The following PIAS1 variants were observed in gnomAD, a reference collection of about 807,000 sequenced individuals.
The protein encoded by PIAS1 is E3 SUMO-protein ligase PIAS1.
PIAS1 carries 6 observed loss-of-function variants against 71.3 expected under a neutral mutation model. The observed-to-expected ratio is 0.08, with a 90% CI of 0.05 to 0.17. The LOEUF (loss-of-function observed/expected upper bound fraction) is 0.17, where lower values mean the gene tolerates loss of function less well. PIAS1 is among the 10% of genes least tolerant of loss of function. PIAS1 has a pLI of 1.00. For missense variants in PIAS1, 555 were observed against 793.6 expected, an observed-to-expected ratio of 0.70 and a Z score of 3.61; for synonymous variants, 303 against 292.9, an observed-to-expected ratio of 1.03 and a Z score of -0.35.
chr15:68,086,746 T>C lies in PIAS1; in HGVS notation c.465T>C (p.Ser155=), dbSNP rs907635490. Reference sequence around the variant, plus strand: ...TGGATGAACTGATAAAACCCACCAGTCTAGGTAAGATTATTGTATGATAGT... The same window carrying C: ...TGGATGAACTGATAAAACCCACCAGCCTAGGTAAGATTATTGTATGATAGT... The part of the protein sequence containing the change: ...DLLDELIKPT[S]LASDNSQRFR... Residue 155 remains serine (S), a synonymous_variant, in exon 2 of 14, where the codon AGT becomes AGC. Transcript: ENST00000249636. This position sits in a 1 kb window ranked among gnomAD's most constrained non-coding sequence, Gnocchi z 7.2. 3.1e-6 allele frequency: 5 copies of C among 1,596,870 alleles called. No homozygotes were observed. The African/African-American group carries it at 6.7e-5, about 21-fold the overall frequency.
chr15:68,120,411 C>T (rs1456500948), intron 2 of PIAS1, among the ~76,000 whole-genome samples: 1 of 151,934 alleles, frequency 6.6e-6, no homozygotes, highest in African/African-American at 2.4e-5. Flanking sequence ...CCTCTTTCCC[C>T]TTTTTCATAT....
chr15:68,102,456 G>A (rs1425771389), intron 2 of PIAS1, among the ~76,000 whole-genome samples: 1 of 152,094 alleles, frequency 6.6e-6, no homozygotes, highest in African/African-American at 2.4e-5. Context: ...ACAAATTTTA[G>A]AATTATCTTC....
chr15:68,086,469 G>A lies in PIAS1; in HGVS notation c.188G>A (p.Arg63Gln), dbSNP rs779395221. ...ATGAAAATTAAGGAACTCTATAGGC[G>A]GCGGTTCCCACAGAAAATCATGACG... ...VQMKIKELYR[R>Q]RFPQKIMTPA... The change falls in exon 2 of 14, where the codon CGG becomes CAG. Residue 63 changes from arginine (R) to glutamine (Q), a missense_variant. Physicochemically the swap from Arg to Gln is conservative, Grantham distance 43 (BLOSUM62 1). Coordinates refer to ENST00000249636, the MANE Select transcript of PIAS1 (RefSeq NM_016166.3). The surrounding 1 kb of genome is among the most constrained non-coding windows in gnomAD (Gnocchi z 7.2). 1.1e-5 allele frequency: 18 copies of A among 1,613,874 alleles called. No individual in the cohort carries two copies. Among genetic ancestry groups the A allele is most frequent in the South Asian group, 6.6e-5 (6 of 91,074 alleles).
chr15:68,152,749 C>T (rs977841435), intron 6 of PIAS1, among the ~76,000 whole-genome samples: 2 of 152,102 alleles, frequency 1.3e-5, no homozygotes, highest in African/African-American at 4.8e-5. Context: ...CCTCTTGATC[C>T]CAGCACCAAA....
At chr15:68,065,489 G>A (rs2092007910) in intron 1 of PIAS1, among the ~76,000 whole-genome samples, 1 of 151,526 alleles carries the variant, frequency 6.6e-6, no homozygotes, top group African/African-American at 2.4e-5. Flanking sequence ...TGCTTGGGAG[G>A]CTGAAGTGGT....
chr15:68,168,099 C>T (rs532806693), intron 8 of PIAS1, among the ~76,000 whole-genome samples: 1 of 152,018 alleles, frequency 6.6e-6, no homozygotes, highest in Non-Finnish European at 1.5e-5. Context: ...ACCTCCACTT[C>T]CTGGGTTCAA....
chr15:68,121,027 C>A (rs1013115683), intron 2 of PIAS1, among the ~76,000 whole-genome samples: 1 of 152,094 alleles, frequency 6.6e-6, no homozygotes, highest in African/African-American at 2.4e-5. Flanking sequence ...ATAAACAATT[C>A]TTTATATTTA....
rs2899734 is a variant in PIAS1, at chr15:68,130,444, T to A, written c.470-11502T>A. 4.8e-3 allele frequency among the ~76,000 whole-genome samples: 734 copies of A among 152,078 alleles called. 6 individuals are homozygous for A. The highest frequency in any genetic ancestry group is 0.016 in the African/African-American group (677 of 41,550). ...TTCCAAATGTTTTTTTCTACATGTA[T>A]ATGCAGTGAAAATAATGTATAAAAT... On this transcript the variant is annotated intron_variant, in intron 2 of 13. Coordinates refer to ENST00000249636, the MANE Select transcript of PIAS1 (RefSeq NM_016166.3).
intron 6 of PIAS1, 21 bp downstream of exon 6, chr15:68,146,721 A>G (rs775687017): frequency 1.9e-6 from 3 of 1,595,478 alleles, no homozygotes; most frequent in Non-Finnish European, 2.6e-6. Flanking sequence ...TTTTGTTTCT[A>G]CCAGATTTTT....
At chr15:68,102,509 A>T (rs1343258576) in intron 2 of PIAS1, among the ~76,000 whole-genome samples, 2 of 152,238 alleles carry the variant, frequency 1.3e-5, no homozygotes, top group Non-Finnish European at 2.9e-5. Flanking sequence ...TAGGAATTGC[A>T]TTAAACCTGC....
chr15:68,100,769 A>G (rs1391270955), intron 2 of PIAS1, among the ~76,000 whole-genome samples: 2 of 152,168 alleles, frequency 1.3e-5, no homozygotes, highest in African/African-American at 4.8e-5. Context: ...TTACATTCCT[A>G]GCAGCCATGA....
At chr15:68,067,432 TA>T (rs1275239397) in intron 1 of PIAS1, among the ~76,000 whole-genome samples, 3 of 3,248 alleles carry the variant, frequency 9.2e-4, no homozygotes, top group Admixed American at 7.9e-3. Context: ...TCTAGTTGGT[TA>T]TTTTTTTTTC....
At chr15:68,157,264 A>G (rs557256948) in intron 7 of PIAS1, among the ~76,000 whole-genome samples, 16 of 152,258 alleles carry the variant, frequency 1.1e-4, no homozygotes, top group African/African-American at 2.9e-4. Context: ...TCCCTCATAT[A>G]TCTGCTCTTT....
At position 68,191,602 on chromosome 15, in the gene PIAS1, A is replaced by G. The variant is rs2093120570; in HGVS notation, c.*3767A>G. ...ACAAGTAACTAACTAATTTTCTTGCAGCATGCTTTGAGGTAAGTAATGAAT... is the reference window on the plus strand; with the variant it reads ...ACAAGTAACTAACTAATTTTCTTGCGGCATGCTTTGAGGTAAGTAATGAAT... On this transcript the variant is annotated 3_prime_UTR_variant, in exon 14 of 14. Transcript: ENST00000249636. 6.5e-6 allele frequency: 1 copy of G among 152,674 alleles called. No individual in the cohort carries two copies. The highest frequency in any genetic ancestry group is 1.5e-5 in the Non-Finnish European group (1 of 68,044). 9.5% of individuals were successfully genotyped at this position (152,674 alleles called of 1,614,324 possible). A position where few individuals can be genotyped will look rare whatever the true frequency, so the allele number is the denominator to read the frequency against.
In PIAS1 at chr15:68,142,316, T is replaced by C; in HGVS notation, c.581T>C (p.Phe194Ser). The C allele has an allele frequency of 6.2e-7, 1 of 1,605,390 alleles. No homozygotes were observed. Among genetic ancestry groups the C allele is most frequent in the Non-Finnish European group, 8.5e-7 (1 of 1,172,582 alleles). The change falls in exon 4 of 14, where the codon TTC becomes TCC. Residue 194 changes from phenylalanine (F) to serine (S), a missense_variant. By Grantham distance (155) the Phe-to-Ser change is radical. This residue lies in a region of PIAS1 where 134 missense variants were observed against 203.4 expected (regional missense o/e 0.66). Transcript: ENST00000249636. ...SMDISGTKCD[F>S]TVQVQLRFCL... ...GATATTTCTGGGACCAAATGTGACT[T>C]CACAGTACAGGTCCAGTTAAGGTAC...
chr15:68,062,013 GT>G (rs887063336), intron 1 of PIAS1, among the ~76,000 whole-genome samples: 20 of 152,116 alleles, frequency 1.3e-4, no homozygotes, highest in Non-Finnish European at 2.1e-4. Context: ...AACAAATTAT[GT>G]TTAAGATTTG....
intron 2 of PIAS1, chr15:68,087,831 A>G: frequency 2.7e-6 from 1 of 367,076 alleles, no homozygotes; most frequent in Non-Finnish European, 5.7e-6. Context: ...TTTGTTTTTA[A>G]TTATATTTAG....
At chr15:68,151,565 A>T (rs1415489321) in intron 6 of PIAS1, among the ~76,000 whole-genome samples, 1 of 151,944 alleles carries the variant, frequency 6.6e-6, no homozygotes, top group Non-Finnish European at 1.5e-5. Flanking sequence ...CATGCCTGTA[A>T]TCCAAGCACT....
intron 2 of PIAS1, among the ~76,000 whole-genome samples, chr15:68,117,584 G>T (rs1297775415): frequency 2.6e-5 from 4 of 152,188 alleles, no homozygotes; most frequent in Non-Finnish European, 5.9e-5. Flanking sequence ...CAGCCTTTCA[G>T]ATTCCACATG....
Sources: gnomAD v4.1 joint callset for allele counts (sites outside exome capture counted in the v4.1 genomes callset) on GRCh38, gnomAD v4.1.1 for gene constraint, gnomAD v4.1.1 regional missense constraint, Gnocchi (gnomAD v3.1) non-coding constraint, MANE v1.5 for transcripts, NCBI Gene and HGNC (gene_info 2026-07-23, HGNC 2026-07-21) for gene names.